Variants in PHTF1 observed in about 807,000 individuals in gnomAD.
PHTF1 encodes putative homeodomain transcription factor 1.
A neutral mutation model predicts 102.4 loss-of-function variants in PHTF1; 88 were observed. That is an observed-to-expected ratio of 0.86 (90% CI 0.72 to 1.03). The LOEUF is 1.03. PHTF1 is among the 50% of genes least tolerant of loss of function. The pLI, the probability that PHTF1 is intolerant of heterozygous loss-of-function variation, is 0.00. For synonymous variants in PHTF1, 289 were observed against 305.2 expected (o/e 0.95, Z 0.55); for missense variants, 814 against 909.5 (o/e 0.89, Z 1.35).
chr1:113,721,936 C>T (rs1448892892), intron 7 of PHTF1, among the ~76,000 whole-genome samples: 10 of 151,774 alleles, frequency 6.6e-5, no homozygotes, highest in South Asian at 4.2e-4. Flanking sequence ...CCTCGTGATC[C>T]GCCCGCCTTG....
At position 113,739,753 on chromosome 1, in the gene PHTF1, C is replaced by T. The variant is rs1031719453; in HGVS notation, c.103-954G>A. Among the ~76,000 whole-genome samples the T allele has an allele frequency of 1.1e-4, 16 of 152,320 alleles. No individual in the cohort carries two copies. The South Asian group carries it at 2.5e-3, about 24-fold the overall frequency. On this transcript the variant is annotated intron_variant, in intron 3 of 18. Coordinates refer to ENST00000369604, the MANE Select transcript of PHTF1 (RefSeq NM_001323043.2). ...TTGCCTCCCTCTTATACTTCCCCAC[C>T]TCTAATAACTACTATTCTACTCTCT... is the stretch of plus-strand genomic sequence containing the variant.
rs560690315 is a variant in PHTF1, at chr1:113,715,757, G to C, written c.624-2319C>G. The stretch of plus-strand genomic sequence containing the variant: ...AATCCTATCAGATAAATTTAACAGA[G>C]AGAGTGAAATAACTAAAAAAAAAAA... On this transcript the variant is annotated intron_variant, in intron 7 of 18. Transcript: ENST00000369604. Among the ~76,000 whole-genome samples, 8 of 141,620 alleles carry C rather than the reference G, an allele frequency of 5.6e-5. No individual in the cohort carries two copies. The East Asian group carries it at 1.5e-3, about 27-fold the overall frequency. The allele number at this position is 141,620 out of a possible 152,430, so 92.9% of individuals were successfully genotyped here.
intron 4 of PHTF1, 114 bp from the exon 5 acceptor site, chr1:113,738,382 AG>A: frequency 1.4e-6 from 1 of 715,204 alleles, no homozygotes; most frequent in Non-Finnish European, 2.3e-6. Context: ...AAACCTGTTC[AG>A]TTAAAAAAAA....
At chr1:113,716,740 T>A (rs1171420068) in intron 7 of PHTF1, among the ~76,000 whole-genome samples, 2 of 151,870 alleles carry the variant, frequency 1.3e-5, no homozygotes, top group Non-Finnish European at 2.9e-5. Context: ...GAAGTAAAAA[T>A]AAAGACATCC....
At chr1:113,732,711 G>A (rs868262372) in intron 5 of PHTF1, among the ~76,000 whole-genome samples, 6 of 152,144 alleles carry the variant, frequency 3.9e-5, no homozygotes, top group South Asian at 2.1e-4. Flanking sequence ...TCCAGAAACA[G>A]ACCATGGCAT....
Position 113,697,396 on chromosome 1 carries a change from A to G in PHTF1, c.*309T>C. 1 of 262,832 alleles carries G rather than the reference A, an allele frequency of 3.8e-6. No individual in the cohort carries two copies. Among genetic ancestry groups the G allele is most frequent in the Non-Finnish European group, 7.3e-6 (1 of 137,590 alleles). 16.3% of individuals were successfully genotyped at this position (262,832 alleles called of 1,614,324 possible). On this transcript the variant is annotated 3_prime_UTR_variant, in exon 19 of 19. Coordinates refer to ENST00000369604, the MANE Select transcript of PHTF1 (RefSeq NM_001323043.2). The stretch of plus-strand genomic sequence containing the variant: ...GTTGCCCAAAAGACTATGTCCAGTA[A>G]ACATAACTGTCACAGTACTGAAGCG...
Position 113,740,862 on chromosome 1 carries a change from C to A in PHTF1, c.103-2063G>T, listed in dbSNP as rs1277710406. Among the ~76,000 whole-genome samples the A allele has an allele frequency of 2.0e-5, 3 of 152,144 alleles. No individual in the cohort carries two copies. The East Asian group carries it at 5.8e-4, about 29-fold the overall frequency. ...CCTGGCCAACATGCTGAAACTCTATCTCTACTAAAAACACAAAAAGTAGCT... is the reference window on the plus strand; with the variant it reads ...CCTGGCCAACATGCTGAAACTCTATATCTACTAAAAACACAAAAAGTAGCT... On this transcript the variant is annotated intron_variant, in intron 3 of 18. Transcript: ENST00000369604.
chr1:113,723,119 C>T lies in PHTF1; in HGVS notation c.623+1640G>A, dbSNP rs541851444. Reference sequence around the variant, plus strand: ...GCATGGTAGTGGCATAAAAACACATCGGCCAATGGAACAGAATTGAGAATC... The same window carrying T: ...GCATGGTAGTGGCATAAAAACACATTGGCCAATGGAACAGAATTGAGAATC... On this transcript the variant is annotated intron_variant, in intron 7 of 18. Coordinates refer to ENST00000369604, the MANE Select transcript of PHTF1 (RefSeq NM_001323043.2). Among the ~76,000 whole-genome samples, 6 of 151,594 alleles carry T rather than the reference C, an allele frequency of 4.0e-5. No individual in the cohort carries two copies. In the East Asian group the frequency reaches 5.8e-4, roughly 15 times the overall value.
At chr1:113,751,956 T>C (rs1658154151) in intron 3 of PHTF1, among the ~76,000 whole-genome samples, 1 of 152,256 alleles carries the variant, frequency 6.6e-6, no homozygotes, top group African/African-American at 2.4e-5. Context: ...CTTCCAACAC[T>C]ATTCTTTTTA....
rs745891222 is a variant in PHTF1, at chr1:113,700,822, C to T, written c.2018G>A (p.Ser673Asn). The change falls in exon 16 of 19, where the codon AGC becomes AAC. Residue 673 changes from serine to asparagine, a missense_variant. Coordinates refer to ENST00000369604, the MANE Select transcript of PHTF1 (RefSeq NM_001323043.2). ...SLGSETNKKY[S>N]NVSILLTEQI... ...TTCTGTAAGTAATATTGAAACATTG[C>T]TGTATTTCTTATTGGTTTCAGACCC... The T allele has an allele frequency of 8.1e-6, 13 of 1,613,670 alleles. No homozygotes were observed. The African/African-American group carries it at 1.2e-4, about 15-fold the overall frequency.
At chr1:113,742,737 A>T (rs1656601077) in intron 3 of PHTF1, among the ~76,000 whole-genome samples, 1 of 152,220 alleles carries the variant, frequency 6.6e-6, no homozygotes, top group Non-Finnish European at 1.5e-5. Context: ...GGTAAATGAA[A>T]GTGAAAGCCT....
chr1:113,701,252 T>C (rs1237225950), intron 15 of PHTF1, among the ~76,000 whole-genome samples: 2 of 152,214 alleles, frequency 1.3e-5, no homozygotes, highest in Non-Finnish European at 2.9e-5. Flanking sequence ...CACAACTATA[T>C]GGCAACCATT....
intron 3 of PHTF1, among the ~76,000 whole-genome samples, chr1:113,754,914 C>T (rs2101727551): frequency 6.6e-6 from 1 of 152,252 alleles, no homozygotes; most frequent in South Asian, 2.1e-4. Flanking sequence ...TACTTACTTG[C>T]TCTTCCTCTA....
At chr1:113,744,678 A>T (rs1557965373) in intron 3 of PHTF1, among the ~76,000 whole-genome samples, 1 of 152,180 alleles carries the variant, frequency 6.6e-6, no homozygotes, top group Non-Finnish European at 1.5e-5. Flanking sequence ...CAAGAAACAC[A>T]TATGATCATG....
chr1:113,743,030 T>A (rs1656668373), intron 3 of PHTF1, among the ~76,000 whole-genome samples: 2 of 152,062 alleles, frequency 1.3e-5, no homozygotes, highest in South Asian at 4.1e-4. Context: ...CCCAGGCTGG[T>A]CTCAAACTCC....
At chr1:113,716,020 TAGAG>T (rs982323610) in intron 7 of PHTF1, among the ~76,000 whole-genome samples, 1 of 151,802 alleles carries the variant, frequency 6.6e-6, no homozygotes, top group South Asian at 2.1e-4. Flanking sequence ...AAAGAGGCGG[TAGAG>T]AGAGAGACAG....
At chr1:113,758,934 G>A (rs1659291670) in intron 1 of PHTF1, 89 bp downstream of exon 1, 1 of 1,191,776 alleles carries the variant, frequency 8.4e-7, no homozygotes, top group South Asian at 2.9e-5. Context: ...TATCGGGCGA[G>A]CGTGTTCGTG....
intron 3 of PHTF1, among the ~76,000 whole-genome samples, chr1:113,747,453 A>G (rs1439011058): frequency 6.6e-6 from 1 of 152,158 alleles, no homozygotes; most frequent in African/African-American, 2.4e-5. Flanking sequence ...TTCTGTCCTC[A>G]TACTCCATTC....
chr1:113,715,680 AGC>A (rs1651892581), intron 7 of PHTF1, among the ~76,000 whole-genome samples: 19 of 121,500 alleles, frequency 1.6e-4, no homozygotes, highest in Non-Finnish European at 2.4e-4. Flanking sequence ...AAAAAAAAAA[AGC>A]TATTTTGAGG....
Sources: allele counts gnomAD v4.1 joint callset (sites outside exome capture counted in the v4.1 genomes callset), GRCh38; gene constraint gnomAD v4.1.1; transcripts MANE v1.5; gene names NCBI Gene and HGNC (gene_info 2026-07-23, HGNC 2026-07-21).